EML4: variants seen among roughly 807,000 people sequenced by gnomAD.
The protein encoded by EML4 is echinoderm microtubule-associated protein-like 4.
In EML4, 72 loss-of-function variants were observed where a neutral mutation model predicts 129.0. The ratio of observed to expected loss-of-function variants is 0.56; its 90% CI spans 0.46 to 0.68. The LOEUF (loss-of-function observed/expected upper bound fraction) is 0.68. Ranked by LOEUF, EML4 falls within the 30% of genes least tolerant of loss-of-function variation. EML4 has a pLI of 0.00. For synonymous variants in EML4, 532 were observed against 405.0 expected (o/e 1.31, Z -3.77); for missense variants, 1,363 against 1,190.6 (o/e 1.14, Z -2.13).
rs1466403797 is a variant in EML4, at chr2:42,332,260, A to G, written c.*2053A>G. On this transcript the variant is annotated 3_prime_UTR_variant, in exon 23 of 23. Coordinates refer to ENST00000318522, the MANE Select transcript of EML4 (RefSeq NM_019063.5). ...GTTGCCATGTACAATGAGATTTATA[A>G]TCATGATACTCTTCGGTGGTAGTTT... The G allele has an allele frequency of 4.6e-6, 1 of 215,110 alleles. No individual in the cohort carries two copies. The highest frequency in any genetic ancestry group is 9.4e-6 in the Non-Finnish European group (1 of 106,390). The allele number at this position is 215,110 out of a possible 1,614,324, so 13.3% of individuals were successfully genotyped here.
chr2:42,215,048 C>G (rs1197353630), intron 1 of EML4, among the ~76,000 whole-genome samples: 1 of 152,090 alleles, frequency 6.6e-6, no homozygotes, highest in African/African-American at 2.4e-5. Flanking sequence ...AGATCTATAA[C>G]TCTGCATGGT....
chr2:42,213,406 T>G (rs1672992875), intron 1 of EML4, among the ~76,000 whole-genome samples: 1 of 152,236 alleles, frequency 6.6e-6, no homozygotes, highest in African/African-American at 2.4e-5. Context: ...TAGTTACATT[T>G]CCATAGCTAT....
intron 1 of EML4, among the ~76,000 whole-genome samples, chr2:42,187,811 G>A (rs982639588): frequency 2.6e-5 from 4 of 152,246 alleles, no homozygotes; most frequent in African/African-American, 9.6e-5. Context: ...GTCTTTAGAA[G>A]AGTGAAAGTT....
intron 1 of EML4, among the ~76,000 whole-genome samples, chr2:42,175,859 T>C (rs1670571654): frequency 6.6e-6 from 1 of 152,212 alleles, no homozygotes. Context: ...ATAAATTATC[T>C]TTAGCCCATT....
At chr2:42,178,849 G>T (rs1189128165) in intron 1 of EML4, among the ~76,000 whole-genome samples, 1 of 152,176 alleles carries the variant, frequency 6.6e-6, no homozygotes, top group Non-Finnish European at 1.5e-5. Flanking sequence ...AGGGATCTGG[G>T]AGTGTAGGCA....
At position 42,256,626 on chromosome 2, in the gene EML4, A is replaced by G. The variant is rs1676170002; in HGVS notation, c.334A>G (p.Lys112Glu). The G allele has an allele frequency of 1.2e-6, 2 of 1,613,466 alleles. No individual in the cohort carries two copies. The highest frequency in any genetic ancestry group is 1.7e-6 in the Non-Finnish European group (2 of 1,179,684). ...AAAAGAAACTCTTTCATCTGCTGCT[A>G]AAAGGTACCCATTTATGAAAGGGGG... ...AGKETLSSAA[K>E]SGTEKKKEKP... The change falls in exon 3 of 23, where the codon AAA becomes GAA. Residue 112 changes from lysine (K) to glutamate (E), a missense_variant. Physicochemically the swap from Lys to Glu is moderately conservative, Grantham distance 56. Coordinates refer to ENST00000318522, the MANE Select transcript of EML4 (RefSeq NM_019063.5).
At chr2:42,292,039 G>T (rs1667677780) in intron 11 of EML4, among the ~76,000 whole-genome samples, 1 of 152,194 alleles carries the variant, frequency 6.6e-6, no homozygotes, top group South Asian at 2.1e-4. Flanking sequence ...GTGCTGCTGG[G>T]CATGTAAGTT....
intron 17 of EML4, among the ~76,000 whole-genome samples, chr2:42,313,755 C>G (rs1344315608): frequency 2.6e-5 from 4 of 151,894 alleles, no homozygotes; most frequent in African/African-American, 9.7e-5. Context: ...CGGCGAAACC[C>G]TATCTCTACT....
intron 2 of EML4, among the ~76,000 whole-genome samples, chr2:42,252,885 T>G (rs1376994053): frequency 6.6e-6 from 1 of 152,238 alleles, no homozygotes; most frequent in African/African-American, 2.4e-5. Context: ...GATACTCCAT[T>G]GATATCTCTC....
chr2:42,268,198 C>G (rs1464184877), intron 6 of EML4, among the ~76,000 whole-genome samples: 1 of 152,152 alleles, frequency 6.6e-6, no homozygotes, highest in Non-Finnish European at 1.5e-5. Context: ...AACAAAGTTC[C>G]ATCTGTGGTG....
Position 42,169,617 on chromosome 2 carries a change from C to T in EML4, c.6C>T (p.Asp2=), listed in dbSNP as rs950353589. The change falls in exon 1 of 23, where the codon GAC becomes GAT. Residue 2 remains aspartate, a synonymous_variant. Transcript: ENST00000318522. The part of the protein sequence containing the change: M[D]GFAGSLDDSI... ...CCCGGCGCTTTCCCCGCAAGATGGA[C>T]GGTTTCGCCGGCAGTCTCGGTGAGT... 1.9e-6 allele frequency: 3 copies of T among 1,599,726 alleles called. No homozygotes were observed. Among genetic ancestry groups the T allele is most frequent in the Middle Eastern group, 1.7e-4 (1 of 6,054 alleles).
chr2:42,187,602 C>A (rs187473333), intron 1 of EML4, among the ~76,000 whole-genome samples: 17 of 152,066 alleles, frequency 1.1e-4, no homozygotes, highest in Admixed American at 1.0e-3. Flanking sequence ...GAGTATACAT[C>A]TTCTTTCAGG....
chr2:42,209,583 T>A (rs10180528), intron 1 of EML4, among the ~76,000 whole-genome samples: 21,761 of 152,182 alleles, frequency 0.14, 1,582 homozygotes, highest in East Asian at 0.18. Context: ...TCCCAGTCTC[T>A]TAAAACTATT....
At chr2:42,217,402 A>G (rs1673265992) in intron 1 of EML4, among the ~76,000 whole-genome samples, 1 of 152,302 alleles carries the variant, frequency 6.6e-6, no homozygotes, top group South Asian at 2.1e-4. Flanking sequence ...TGTAAAAAAA[A>G]TTCTTATATA....
intron 1 of EML4, among the ~76,000 whole-genome samples, chr2:42,206,788 C>T (rs1420783799): frequency 6.6e-6 from 1 of 152,110 alleles, no homozygotes; most frequent in South Asian, 2.1e-4. Flanking sequence ...AAATTTAAAT[C>T]ATCACAGTGA....
intron 1 of EML4, among the ~76,000 whole-genome samples, chr2:42,180,442 C>T (rs556697726): frequency 1.3e-5 from 2 of 152,204 alleles, no homozygotes; most frequent in African/African-American, 4.8e-5. Context: ...TCTGGACTTG[C>T]ATTCCATTCC....
intron 19 of EML4, among the ~76,000 whole-genome samples, chr2:42,318,258 C>G (rs1669345106): frequency 1.3e-5 from 2 of 152,158 alleles, no homozygotes; most frequent in Admixed American, 1.3e-4. Flanking sequence ...CTTTAACACT[C>G]TTTACCACAA....
chr2:42,290,438 A>G (rs1225669456), intron 11 of EML4, among the ~76,000 whole-genome samples: 1 of 152,068 alleles, frequency 6.6e-6, no homozygotes, highest in African/African-American at 2.4e-5. Context: ...ATTAAAATTC[A>G]GTAAGGGCCT....
At position 42,282,961 on chromosome 2, in the gene EML4, CTG is replaced by C. The variant is rs1212693878; in HGVS notation, c.935_936del (p.Val312GlufsTer8). 1.2e-6 allele frequency: 2 copies of C among 1,611,612 alleles called. No homozygotes were observed. The highest frequency in any genetic ancestry group is 1.7e-6 in the Non-Finnish European group (2 of 1,179,234). On this transcript the variant is annotated frameshift_variant, in exon 8 of 23. Coordinates refer to ENST00000318522, the MANE Select transcript of EML4 (RefSeq NM_019063.5). LOFTEE classifies it high-confidence loss of function. Reference protein sequence around the residue: ...TQRHYLGHTDCVKCLAIHPDK... With the variant: ...TQRHYLGHTDXVKCLAIHPDK... ...AGCGACACTACCTGGGCCATACAGA[CTG>C]TGTGAAATGGTTGGTATCATTTAAC...
Sources: gnomAD v4.1 joint callset for allele counts (sites outside exome capture counted in the v4.1 genomes callset) on GRCh38, gnomAD v4.1.1 for gene constraint, MANE v1.5 for transcripts, NCBI Gene and HGNC (gene_info 2026-07-23, HGNC 2026-07-21) for gene names.